NUDCD1: variants seen among roughly 807,000 people sequenced by gnomAD.
NUDCD1 encodes the protein NudC domain containing 1, also known as nudC domain-containing protein 1.
NUDCD1 carries 60 observed loss-of-function variants against 67.8 expected under a neutral mutation model. The observed-to-expected ratio is 0.88, with a 90% CI of 0.72 to 1.10. NUDCD1 has a LOEUF of 1.10. Ranked by LOEUF, NUDCD1 falls within the 50% of genes least tolerant of loss-of-function variation. NUDCD1 has a pLI of 0.00. For synonymous variants in NUDCD1, 244 were observed against 230.8 expected, an observed-to-expected ratio of 1.06 and a Z score of -0.52; for missense variants, 643 against 695.0, an observed-to-expected ratio of 0.93 and a Z score of 0.84.
chr8:109,274,456 G>A (rs1814230356), intron 7 of NUDCD1, among the ~76,000 whole-genome samples: 1 of 152,130 alleles, frequency 6.6e-6, no homozygotes, highest in Admixed American at 6.5e-5. Flanking sequence ...CTTGCTGAAT[G>A]AGCGAATATA....
intron 2 of NUDCD1, among the ~76,000 whole-genome samples, chr8:109,298,056 C>T (rs929992762): frequency 2.3e-4 from 35 of 152,116 alleles, no homozygotes; most frequent in Non-Finnish European, 4.3e-4. Context: ...TAGCTTTCTC[C>T]GAAACAGCAC....
At chr8:109,253,281 A>C (rs938166608) in intron 8 of NUDCD1, among the ~76,000 whole-genome samples, 2 of 152,230 alleles carry the variant, frequency 1.3e-5, no homozygotes, top group East Asian at 3.8e-4. Flanking sequence ...TACAGTAAGC[A>C]GAAACCATAA....
chr8:109,282,840 T>A (rs1302403279), intron 5 of NUDCD1, among the ~76,000 whole-genome samples: 2 of 142,860 alleles, frequency 1.4e-5, no homozygotes, highest in Non-Finnish European at 3.0e-5. Flanking sequence ...AATAAAAAAA[T>A]TCCAAAAAAA....
chr8:109,295,521 C>T (rs965627749), intron 3 of NUDCD1, among the ~76,000 whole-genome samples: 8 of 152,222 alleles, frequency 5.3e-5, no homozygotes, highest in African/African-American at 1.9e-4. Context: ...GGTAGTATAA[C>T]ATTTAGTATA....
chr8:109,320,455 T>C (rs923192034), intron 2 of NUDCD1, among the ~76,000 whole-genome samples: 3 of 152,206 alleles, frequency 2.0e-5, no homozygotes, highest in Non-Finnish European at 4.4e-5. Flanking sequence ...TCACCTGCGG[T>C]CAGAGTTTAA....
At chr8:109,250,625 TG>T (rs1235207030) in intron 8 of NUDCD1, among the ~76,000 whole-genome samples, 1 of 152,228 alleles carries the variant, frequency 6.6e-6, no homozygotes, top group Non-Finnish European at 1.5e-5. Context: ...CTAGGGTTTC[TG>T]ATGAGGCAGT....
intron 8 of NUDCD1, among the ~76,000 whole-genome samples, chr8:109,270,264 A>C (rs1814118923): frequency 6.6e-6 from 1 of 152,080 alleles, no homozygotes; most frequent in South Asian, 2.1e-4. Context: ...ACAAATTGGT[A>C]AGAAACACTA....
At chr8:109,266,799 C>A (rs1415937682) in intron 8 of NUDCD1, among the ~76,000 whole-genome samples, 4 of 151,998 alleles carry the variant, frequency 2.6e-5, no homozygotes, top group Non-Finnish European at 4.4e-5. Context: ...ATATTCAGTT[C>A]TGATATTTAA....
At chr8:109,277,727 T>C (rs952506272) in intron 6 of NUDCD1, among the ~76,000 whole-genome samples, 1 of 152,218 alleles carries the variant, frequency 6.6e-6, no homozygotes, top group Non-Finnish European at 1.5e-5. Context: ...TGAAACTACT[T>C]ACATGAAGTC....
At chr8:109,307,025 A>G (rs1815123703) in intron 2 of NUDCD1, among the ~76,000 whole-genome samples, 2 of 152,202 alleles carry the variant, frequency 1.3e-5, no homozygotes, top group African/African-American at 4.8e-5. Context: ...TAATATAAGA[A>G]GACAGGAATG....
chr8:109,281,867 T>C (rs995784219), intron 5 of NUDCD1, among the ~76,000 whole-genome samples: 1 of 152,184 alleles, frequency 6.6e-6, no homozygotes. Context: ...AAAGCACCTG[T>C]TTGCCTGTTT....
At chr8:109,284,182 A>G (rs1814522066) in intron 5 of NUDCD1, among the ~76,000 whole-genome samples, 1 of 152,154 alleles carries the variant, frequency 6.6e-6, no homozygotes, top group Non-Finnish European at 1.5e-5. Flanking sequence ...AACAAAGGTA[A>G]AAAAGGACAA....
chr8:109,256,751 T>C (rs369512511), intron 8 of NUDCD1, among the ~76,000 whole-genome samples: 1 of 152,084 alleles, frequency 6.6e-6, no homozygotes, highest in Non-Finnish European at 1.5e-5. Flanking sequence ...CAAGTTCCTC[T>C]TAATGTGATG....
intron 8 of NUDCD1, among the ~76,000 whole-genome samples, chr8:109,264,689 A>G (rs1813951709): frequency 6.6e-6 from 1 of 152,218 alleles, no homozygotes; most frequent in Non-Finnish European, 1.5e-5. Context: ...ATAATTAAGT[A>G]TCCCTTTCTT....
intron 2 of NUDCD1, among the ~76,000 whole-genome samples, chr8:109,308,853 T>C (rs1228355831): frequency 6.6e-6 from 1 of 151,586 alleles, no homozygotes; most frequent in African/African-American, 2.4e-5. Flanking sequence ...GCAAATGTAG[T>C]CCTAGCTACT....
chr8:109,258,629 AAAC>A (rs544313030), intron 8 of NUDCD1, among the ~76,000 whole-genome samples: 104 of 152,264 alleles, frequency 6.8e-4, no homozygotes, highest in African/African-American at 2.4e-3. Context: ...ATCCTAGCTA[AAAC>A]AACAGCTTCT....
intron 1 of NUDCD1, among the ~76,000 whole-genome samples, chr8:109,326,529 G>C (rs1198359193): frequency 6.6e-6 from 1 of 151,894 alleles, no homozygotes; most frequent in Non-Finnish European, 1.5e-5. Flanking sequence ...ATAGATCTTT[G>C]TAAGGGTTGA....
chr8:109,274,181 G>A (rs1309863534), intron 7 of NUDCD1, among the ~76,000 whole-genome samples: 6 of 152,100 alleles, frequency 3.9e-5, no homozygotes, highest in Admixed American at 6.6e-5. Flanking sequence ...TATAGCTGTG[G>A]AGTAGACATT....
chr8:109,269,460 T>C (rs1814089139), intron 8 of NUDCD1, among the ~76,000 whole-genome samples: 1 of 152,194 alleles, frequency 6.6e-6, no homozygotes, highest in Non-Finnish European at 1.5e-5. Flanking sequence ...TAGGAAGGGA[T>C]AGCGAGTGAG....
Sources: gnomAD v4.1 joint callset for allele counts (sites outside exome capture counted in the v4.1 genomes callset) on GRCh38, gnomAD v4.1.1 for gene constraint, MANE v1.5 for transcripts, NCBI Gene and HGNC (gene_info 2026-07-23, HGNC 2026-07-21) for gene names.